KCNA5: variants seen among roughly 807,000 people sequenced by gnomAD.
The protein encoded by KCNA5 is potassium voltage-gated channel subfamily A member 5.
In KCNA5, 22 loss-of-function variants were observed where a neutral mutation model predicts 26.5. That is an observed-to-expected ratio of 0.83 (90% CI 0.59 to 1.18). KCNA5 has a LOEUF of 1.18. Ranked by LOEUF, KCNA5 falls within the 50% of genes most tolerant of loss-of-function variation. The pLI is 0.00. For synonymous variants in KCNA5, 465 were observed against 372.8 expected (o/e 1.25, Z -2.85); for missense variants, 916 against 843.2 (o/e 1.09, Z -1.07).
rs895243743 is a variant in KCNA5, at chr12:5,044,874, C to G, written c.727C>G (p.Pro243Ala). The part of the protein sequence containing the change: ...QRQVWLIFEY[P>A]ESSGSARAIA... ...CCAGGTGTGGCTTATCTTCGAGTATCCGGAGAGCTCTGGGTCCGCGCGGGC... is the reference window on the plus strand; with the variant it reads ...CCAGGTGTGGCTTATCTTCGAGTATGCGGAGAGCTCTGGGTCCGCGCGGGC... Residue 243 changes from proline to alanine, a missense_variant, in exon 1 of 1, where the codon CCG becomes GCG. Coordinates refer to ENST00000252321, the MANE Select transcript of KCNA5 (RefSeq NM_002234.4). 19 of 1,613,892 alleles carry G rather than the reference C, an allele frequency of 1.2e-5. No individual in the cohort carries two copies. The Admixed American group carries it at 3.0e-4, about 25-fold the overall frequency.
Position 5,045,865 on chromosome 12 carries a change from C to A in KCNA5, c.1718C>A (p.Ala573Glu). 1.2e-6 allele frequency: 2 copies of A among 1,614,138 alleles called. No individual in the cohort carries two copies. The highest frequency in any genetic ancestry group is 2.2e-5 in the South Asian group (2 of 91,078). ...AAGGCTGGGGGGACCCTGGAGAATGCAGACAGTGCCCGAAGGGGCAGCTGC... is the reference window on the plus strand; with the variant it reads ...AAGGCTGGGGGGACCCTGGAGAATGAAGACAGTGCCCGAAGGGGCAGCTGC... ...FCKAGGTLEN[A>E]DSARRGSCPL... Residue 573 changes from alanine to glutamate, a missense_variant, in exon 1 of 1, where the codon GCA becomes GAA. Transcript: ENST00000252321. This position sits in a 1 kb window ranked among gnomAD's most constrained non-coding sequence, Gnocchi z 5.6.
rs145163163 is a variant in KCNA5, at chr12:5,045,640, C to T, written c.1493C>T (p.Ser498Leu). ...ACTGTTGGGGGCAAGATCGTGGGCT[C>T]GCTGTGTGCCATCGCCGGGGTCCTC... Reference protein sequence around the residue: ...PITVGGKIVGSLCAIAGVLTI... With the variant: ...PITVGGKIVGLLCAIAGVLTI... The change falls in exon 1 of 1, where the codon TCG becomes TTG. Residue 498 changes from serine to leucine, a missense_variant. Physicochemically the swap from Ser to Leu is moderately radical, Grantham distance 145. Transcript: ENST00000252321. This position sits in a 1 kb window ranked among gnomAD's most constrained non-coding sequence, Gnocchi z 5.6. 70 of 1,614,188 alleles carry T rather than the reference C, an allele frequency of 4.3e-5. No homozygotes were observed. Among genetic ancestry groups the T allele is most frequent in the Middle Eastern group, 1.6e-4 (1 of 6,062 alleles).
Position 5,044,792 on chromosome 12 carries a change from G to A in KCNA5, c.645G>A (p.Glu215=), listed in dbSNP as rs751128914. Residue 215 remains glutamate, a synonymous_variant, in exon 1 of 1, where the codon GAG becomes GAA. Transcript: ENST00000252321. The part of the protein sequence containing the change: ...LGDEAMERFR[E]DEGFIKEEEK... Reference sequence around the variant, plus strand: ...ACGAGGCCATGGAGCGCTTCCGCGAGGATGAGGGCTTCATTAAAGAAGAGG... The same window carrying A: ...ACGAGGCCATGGAGCGCTTCCGCGAAGATGAGGGCTTCATTAAAGAAGAGG... The A allele has an allele frequency of 2.5e-6, 4 of 1,614,194 alleles. No individual in the cohort carries two copies. In the Admixed American group the frequency reaches 6.7e-5, roughly 27 times the overall value.
chr12:5,044,458 T>C lies in KCNA5; in HGVS notation c.311T>C (p.Leu104Pro). Reference sequence around the variant, plus strand: ...GAGGAGGAAGAAGGCGATCCCGGCCTGGGCACGGTGGAGGACCAGGCTCTG... The same window carrying C: ...GAGGAGGAAGAAGGCGATCCCGGCCCGGGCACGGTGGAGGACCAGGCTCTG... ...EDEEEEGDPG[L>P]GTVEDQALGT... Residue 104 changes from leucine (L) to proline (P), a missense_variant, in exon 1 of 1, where the codon CTG (leucine) becomes CCG (proline). By Grantham distance (98) the Leu-to-Pro change is moderately conservative. Coordinates refer to ENST00000252321, the MANE Select transcript of KCNA5 (RefSeq NM_002234.4). 6.2e-7 allele frequency: 1 copy of C among 1,611,202 alleles called. No homozygotes were observed.
Position 5,045,065 on chromosome 12 carries a change from G to A in KCNA5, c.918G>A (p.Pro306=), listed in dbSNP as rs1862759098. The A allele has an allele frequency of 6.2e-7, 1 of 1,612,378 alleles. No homozygotes were observed. The stretch of plus-strand genomic sequence containing the variant: ...CCAACGGCAGCGGGGTCATGGCCCC[G>A]CCCTCTGGCCCTACGGTGGCACCGC... The part of the protein sequence containing the change: ...PGANGSGVMA[P]PSGPTVAPLL... The change falls in exon 1 of 1, where the codon CCG becomes CCA. Residue 306 remains proline, a synonymous_variant. Transcript: ENST00000252321. This position sits in a 1 kb window ranked among gnomAD's most constrained non-coding sequence, Gnocchi z 5.6.
At position 5,044,412 on chromosome 12, in the gene KCNA5, C is replaced by A; in HGVS notation, c.265C>A (p.Arg89=). 6.3e-7 allele frequency: 1 copy of A among 1,597,312 alleles called. No individual in the cohort carries two copies. Among genetic ancestry groups the A allele is most frequent in the South Asian group, 1.1e-5 (1 of 89,624 alleles). The change falls in exon 1 of 1, where the codon CGA becomes AGA. Residue 89 remains arginine, a synonymous_variant. Transcript: ENST00000252321. The part of the protein sequence containing the change: ...PPLPEELPRP[R]RPPPEDEEEE... Reference sequence around the variant, plus strand: ...GCTGCCAGAGGAGCTGCCACGGCCTCGACGGCCGCCTCCCGAGGACGAGGA... The same window carrying A: ...GCTGCCAGAGGAGCTGCCACGGCCTAGACGGCCGCCTCCCGAGGACGAGGA...
rs1018744925 is a variant in KCNA5 at position 5,046,055 on chromosome 12, T to C, written c.*66T>C. The C allele has an allele frequency of 1.3e-6, 2 of 1,573,636 alleles. No individual in the cohort carries two copies. Among genetic ancestry groups the C allele is most frequent in the African/African-American group, 2.7e-5 (2 of 74,282 alleles). ...GGGAGGCTTGCTGAACATGGATATC[T>C]ACATTATACCGCAGAGTATTTGAAG... On this transcript the variant is annotated 3_prime_UTR_variant, in exon 1 of 1. Coordinates refer to ENST00000252321, the MANE Select transcript of KCNA5 (RefSeq NM_002234.4).
rs12720442 is a variant in KCNA5, at chr12:5,044,898, G to A, written c.751G>A (p.Ala251Thr). Reference protein sequence around the residue: ...EYPESSGSARAIAIVSVLVIL... With the variant: ...EYPESSGSARTIAIVSVLVIL... ...TCCGGAGAGCTCTGGGTCCGCGCGG[G>A]CCATCGCCATCGTCTCGGTCTTGGT... is the stretch of plus-strand genomic sequence containing the variant. Residue 251 changes from alanine to threonine, a missense_variant, in exon 1 of 1, where the codon GCC becomes ACC. Physicochemically the swap from Ala to Thr is moderately conservative, Grantham distance 58 (BLOSUM62 0). Coordinates refer to ENST00000252321, the MANE Select transcript of KCNA5 (RefSeq NM_002234.4). 0.013 allele frequency: 21,776 copies of A among 1,613,840 alleles called. 216 individuals carry two copies. Among genetic ancestry groups the A allele is most frequent in the Admixed American group, 0.041 (2,464 of 60,018 alleles).
Position 5,045,734 on chromosome 12 carries a change from C to G in KCNA5, c.1587C>G (p.His529Gln). ...FNYFYHRETDHEEPAVLKEEQ... is the reference protein window; with the variant it reads ...FNYFYHRETDQEEPAVLKEEQ... ...ACTTCTACCACCGGGAAACGGATCA[C>G]GAGGAGCCGGCAGTCCTTAAGGAAG... The change falls in exon 1 of 1, where the codon CAC (histidine) becomes CAG (glutamine). Residue 529 changes from histidine to glutamine, a missense_variant. Coordinates refer to ENST00000252321, the MANE Select transcript of KCNA5 (RefSeq NM_002234.4). This position sits in a 1 kb window ranked among gnomAD's most constrained non-coding sequence, Gnocchi z 5.6. 6.2e-7 allele frequency: 1 copy of G among 1,614,128 alleles called. No individual in the cohort carries two copies. Among genetic ancestry groups the G allele is most frequent in the Non-Finnish European group, 8.5e-7 (1 of 1,180,042 alleles).
rs762579966 is a variant in KCNA5 at position 5,044,853 on chromosome 12, G to A, written c.706G>A (p.Val236Met). 6.2e-7 allele frequency: 1 copy of A among 1,614,058 alleles called. No individual in the cohort carries two copies. The highest frequency in any genetic ancestry group is 8.5e-7 in the Non-Finnish European group (1 of 1,180,030). ...PLPRNEFQRQ[V>M]WLIFEYPESS... ...GCCCCGCAACGAGTTCCAGCGCCAG[G>A]TGTGGCTTATCTTCGAGTATCCGGA... The change falls in exon 1 of 1, where the codon GTG (valine) becomes ATG (methionine). Residue 236 changes from valine (V) to methionine (M), a missense_variant. Val to Met is a conservative substitution (Grantham distance 21). Coordinates refer to ENST00000252321, the MANE Select transcript of KCNA5 (RefSeq NM_002234.4).
At position 5,045,805 on chromosome 12, in the gene KCNA5, A is replaced by T. The variant is rs1478439827; in HGVS notation, c.1658A>T (p.Gln553Leu). The change falls in exon 1 of 1, where the codon CAG (glutamine) becomes CTG (leucine). Residue 553 changes from glutamine (Q) to leucine (L), a missense_variant. By Grantham distance (113) the Gln-to-Leu change is moderately radical. Transcript: ENST00000252321. The surrounding 1 kb of genome is among the most constrained non-coding windows in gnomAD (Gnocchi z 5.6). ...GGGCCGGGGCTGGACAGAGGAGTCC[A>T]GCGGAAGGTCAGCGGGAGCAGGGGA... ...SQGPGLDRGV[Q>L]RKVSGSRGSF... The T allele has an allele frequency of 6.2e-7, 1 of 1,614,034 alleles. No homozygotes were observed. The highest frequency in any genetic ancestry group is 1.3e-5 in the African/African-American group (1 of 74,938).
In KCNA5 at chr12:5,044,897, G is replaced by GGCCATC; in HGVS notation, c.758_763dup (p.Ala253_Ile254dup). 1 of 1,613,892 alleles carries GGCCATC rather than the reference G, an allele frequency of 6.2e-7. No homozygotes were observed. ...ATCCGGAGAGCTCTGGGTCCGCGCG[G>GGCCATC]GCCATCGCCATCGTCTCGGTCTTGG... is the stretch of plus-strand genomic sequence containing the variant. On this transcript the variant is annotated inframe_insertion, in exon 1 of 1. Coordinates refer to ENST00000252321, the MANE Select transcript of KCNA5 (RefSeq NM_002234.4).
Position 5,043,956 on chromosome 12 carries a change from G to A in KCNA5, c.-192G>A. The A allele has an allele frequency of 1.6e-6, 1 of 613,092 alleles. No individual in the cohort carries two copies. Among genetic ancestry groups the A allele is most frequent in the South Asian group, 2.0e-5 (1 of 49,626 alleles). The allele number at this position is 613,092 out of a possible 1,614,324, so 38.0% of individuals were successfully genotyped here. On this transcript the variant is annotated 5_prime_UTR_variant, in exon 1 of 1. Transcript: ENST00000252321. ...TGGTAACGGGCTGCCAGAAGAGAGA[G>A]AGGCAGAGAGCAGGGCAGCGGCTTC... is the stretch of plus-strand genomic sequence containing the variant.
At position 5,044,594 on chromosome 12, in the gene KCNA5, C is replaced by A. The variant is rs201349108; in HGVS notation, c.447C>A (p.Pro149=). Residue 149 remains proline (P), a synonymous_variant, in exon 1 of 1, where the codon CCC becomes CCA. Transcript: ENST00000252321. ...TCCCCAACACACTCCTGGGGGACCC[C>A]GCCAAGCGCCTGCGCTACTTCGACC... ...AQFPNTLLGD[P]AKRLRYFDPL... The A allele has an allele frequency of 5.0e-6, 8 of 1,613,932 alleles. No homozygotes were observed. The highest frequency in any genetic ancestry group is 3.4e-6 in the Non-Finnish European group (4 of 1,180,044).
chr12:5,045,302 A>G lies in KCNA5; in HGVS notation c.1155A>G (p.Gly385=). The G allele has an allele frequency of 6.2e-7, 1 of 1,613,950 alleles. No homozygotes were observed. Among genetic ancestry groups the G allele is most frequent in the Middle Eastern group, 1.6e-4 (1 of 6,062 alleles). ...ELAEQQPGGG[G]GGQNGQQAMS... The stretch of plus-strand genomic sequence containing the variant: ...CAGAGCAGCAGCCAGGGGGTGGAGG[A>G]GGCGGCCAGAATGGGCAGCAGGCCA... Residue 385 remains glycine (G), a synonymous_variant, in exon 1 of 1, where the codon GGA becomes GGG. Coordinates refer to ENST00000252321, the MANE Select transcript of KCNA5 (RefSeq NM_002234.4). This position sits in a 1 kb window ranked among gnomAD's most constrained non-coding sequence, Gnocchi z 5.6.
rs780056840 is a variant in KCNA5 at position 5,044,910 on chromosome 12, G to A, written c.763G>A (p.Val255Ile). Residue 255 changes from valine (V) to isoleucine (I), a missense_variant, in exon 1 of 1, where the codon GTC (valine) becomes ATC (isoleucine). Transcript: ENST00000252321. ...SSGSARAIAI[V>I]SVLVILISII... ...TGGGTCCGCGCGGGCCATCGCCATC[G>A]TCTCGGTCTTGGTTATCCTCATCTC... 1.2e-6 allele frequency: 2 copies of A among 1,613,722 alleles called. No homozygotes were observed. Among genetic ancestry groups the A allele is most frequent in the African/African-American group, 2.7e-5 (2 of 74,888 alleles).
chr12:5,045,237 G>A lies in KCNA5; in HGVS notation c.1090G>A (p.Ala364Thr). Residue 364 changes from alanine (A) to threonine (T), a missense_variant, in exon 1 of 1, where the codon GCC becomes ACC. Physicochemically the swap from Ala to Thr is moderately conservative, Grantham distance 58. Transcript: ENST00000252321. The surrounding 1 kb of genome is among the most constrained non-coding windows in gnomAD (Gnocchi z 5.6). Reference sequence around the variant, plus strand: ...CATCATGAACATCATCGATGTGGTGGCCATCTTCCCCTACTTCATCACCCT... The same window carrying A: ...CATCATGAACATCATCGATGTGGTGACCATCTTCCCCTACTTCATCACCCT... ...RNIMNIIDVV[A>T]IFPYFITLGT... 3.1e-6 allele frequency: 5 copies of A among 1,614,198 alleles called. No individual in the cohort carries two copies. Among genetic ancestry groups the A allele is most frequent in the Non-Finnish European group, 4.2e-6 (5 of 1,180,038 alleles).
chr12:5,045,081 G>C lies in KCNA5; in HGVS notation c.934G>C (p.Val312Leu). Residue 312 changes from valine to leucine, a missense_variant, in exon 1 of 1, where the codon GTG becomes CTG. Physicochemically the swap from Val to Leu is conservative, Grantham distance 32 (BLOSUM62 1). Transcript: ENST00000252321. The surrounding 1 kb of genome is among the most constrained non-coding windows in gnomAD (Gnocchi z 5.6). ...CATGGCCCCGCCCTCTGGCCCTACG[G>C]TGGCACCGCTCCTGCCCAGGACCCT... is the stretch of plus-strand genomic sequence containing the variant. The part of the protein sequence containing the change: ...GVMAPPSGPT[V>L]APLLPRTLAD... 1 of 1,613,160 alleles carries C rather than the reference G, an allele frequency of 6.2e-7. No individual in the cohort carries two copies.
rs1292147729 is a variant in KCNA5 at position 5,044,306 on chromosome 12, G to C, written c.159G>C (p.Gly53=). Residue 53 remains glycine (G), a synonymous_variant, in exon 1 of 1, where the codon GGG becomes GGC. Transcript: ENST00000252321. ...SDGPKEPAPK[G]RGAQRDADSG... ...GGCCCAAGGAGCCGGCGCCAAAGGGGCGCGGCGCGCAGAGAGACGCGGACT... is the reference window on the plus strand; with the variant it reads ...GGCCCAAGGAGCCGGCGCCAAAGGGCCGCGGCGCGCAGAGAGACGCGGACT... 4.5e-6 allele frequency: 7 copies of C among 1,549,382 alleles called. No homozygotes were observed. The highest frequency in any genetic ancestry group is 6.1e-6 in the Non-Finnish European group (7 of 1,153,742).
Sources: gnomAD v4.1 joint callset for allele counts on GRCh38, gnomAD v4.1.1 for gene constraint, Gnocchi (gnomAD v3.1) non-coding constraint, MANE v1.5 for transcripts, NCBI Gene and HGNC (gene_info 2026-07-23, HGNC 2026-07-21) for gene names.